Variants in DYSF observed in about 807,000 individuals in gnomAD.
The protein encoded by DYSF is dysferlin, also known as dystrophy-associated fer-1-like 1.
Under a neutral mutation model 274.9 loss-of-function variants are expected in DYSF, and 212 were observed. The observed-to-expected ratio is 0.77, with a 90% confidence interval of 0.69 to 0.86. The LOEUF is 0.86. DYSF is among the 40% of genes least tolerant of loss of function. The pLI is 0.00. For missense variants in DYSF, 2,666 were observed against 2,783.2 expected (o/e 0.96, Z 0.95); for synonymous variants, 1,091 against 1,078.7 (o/e 1.01, Z -0.22).
At chr2:71,502,831 G>T (rs945978968) in intron 3 of DYSF, among the ~76,000 whole-genome samples, 10 of 152,234 alleles carry the variant, frequency 6.6e-5, no homozygotes, top group Admixed American at 5.9e-4. Context: ...CATATGATCT[G>T]CTGGGGCTCA....
At chr2:71,457,024 A>C (rs2081094623) in intron 1 of DYSF, among the ~76,000 whole-genome samples, 1 of 152,152 alleles carries the variant, frequency 6.6e-6, no homozygotes, top group African/African-American at 2.4e-5. Context: ...TGGGGTTTCA[A>C]ATGCGTGTTC....
At chr2:71,564,278 C>T in intron 24 of DYSF, 65 bp downstream of exon 24, 1 of 1,599,390 alleles carries the variant, frequency 6.3e-7, no homozygotes. Context: ...TCTCCCATCT[C>T]TTCTGTTTCC....
At chr2:71,525,505 C>T (rs922878975) in intron 12 of DYSF, among the ~76,000 whole-genome samples, 16 of 152,130 alleles carry the variant, frequency 1.1e-4, no homozygotes, top group African/African-American at 3.9e-4. Context: ...ATTACAGGTG[C>T]GAGCCACGGC....
chr2:71,502,480 C>T (rs2085076852), intron 3 of DYSF, among the ~76,000 whole-genome samples: 1 of 152,160 alleles, frequency 6.6e-6, no homozygotes, highest in Non-Finnish European at 1.5e-5. Flanking sequence ...CCCATGGTTT[C>T]CTGCTGCCTC....
chr2:71,661,219 T>A (rs1424551281), intron 45 of DYSF, among the ~76,000 whole-genome samples: 1 of 151,844 alleles, frequency 6.6e-6, no homozygotes, highest in Non-Finnish European at 1.5e-5. Flanking sequence ...AACTTTTACT[T>A]TGGAATAATT....
intron 48 of DYSF, 84 bp downstream of exon 48, chr2:71,667,599 C>A: frequency 6.4e-7 from 1 of 1,573,694 alleles, no homozygotes. Context: ...CCCAGAGGAG[C>A]CAGTGGGTCC....
chr2:71,485,681 C>T (rs1361395322), intron 3 of DYSF, among the ~76,000 whole-genome samples: 7 of 152,030 alleles, frequency 4.6e-5, no homozygotes, highest in African/African-American at 1.7e-4. Flanking sequence ...AGAAAACAAC[C>T]AAAGACAAGC....
In DYSF at chr2:71,569,884, C is replaced by T. The variant is rs202218890; in HGVS notation, c.2929C>T (p.Arg977Trp). ...GGAAGAGGTGTTTGAGAACCAGACC[C>T]GGCTTCCCGGAGGCCAGTGGATCTA... ...FVEEVFENQTRLPGGQWIYMS... is the reference protein window; with the variant it reads ...FVEEVFENQTWLPGGQWIYMS... Residue 977 changes from arginine to tryptophan, a missense_variant, in exon 27 of 56, where the codon CGG becomes TGG. This residue lies in a region of DYSF where 412 missense variants were observed against 504.0 expected (regional missense o/e 0.82). Transcript: ENST00000410020. The T allele has an allele frequency of 3.5e-5, 57 of 1,613,974 alleles. No homozygotes were observed. The highest frequency in any genetic ancestry group is 4.2e-5 in the Non-Finnish European group (49 of 1,180,020).
At chr2:71,678,377 T>C (rs774457009) in intron 52 of DYSF, among the ~76,000 whole-genome samples, 33 of 152,114 alleles carry the variant, frequency 2.2e-4, no homozygotes, top group East Asian at 7.7e-4. Context: ...ACTACTGATA[T>C]ATACAACAAG....
rs544993852 is a variant in DYSF at position 71,643,997 on chromosome 2, C to T, written c.4560C>T (p.Phe1520=). The T allele has an allele frequency of 2.5e-4, 400 of 1,612,270 alleles. 3 individuals are homozygous for T. In the South Asian group the frequency reaches 4.1e-3, roughly 16 times the overall value. The change falls in exon 42 of 56, where the codon TTC becomes TTT. Residue 1520 remains phenylalanine (F), a synonymous_variant. Transcript: ENST00000410020. ...AGTTCATCGATTGGTGGAGCAAATT[C>T]TTTGCCTCCATAGGGGAGAGGGAAA... The part of the protein sequence containing the change: ...EEEFIDWWSK[F]FASIGEREKC...
At chr2:71,483,882 G>C (rs973379420) in intron 3 of DYSF, among the ~76,000 whole-genome samples, 2 of 151,858 alleles carry the variant, frequency 1.3e-5, no homozygotes, top group African/African-American at 2.4e-5. Flanking sequence ...GATGGTGTTG[G>C]TCTCTTCTGG....
intron 3 of DYSF, among the ~76,000 whole-genome samples, chr2:71,483,386 A>G (rs2083094360): frequency 6.6e-6 from 1 of 152,234 alleles, no homozygotes; most frequent in Admixed American, 6.5e-5. Context: ...AGCCCTGGAC[A>G]GTGGGCAGTC....
chr2:71,669,230 C>G, intron 50 of DYSF, 23 bp downstream of exon 50: 1 of 1,571,606 alleles, frequency 6.4e-7, no homozygotes, highest in South Asian at 1.2e-5. Flanking sequence ...CGTCCTCTTG[C>G]CTGTCCAGCT....
intron 36 of DYSF, among the ~76,000 whole-genome samples, chr2:71,605,702 G>A (rs1420202888): frequency 2.0e-5 from 3 of 152,098 alleles, no homozygotes; most frequent in Non-Finnish European, 4.4e-5. Context: ...AGGCTGCAGG[G>A]TATATGGCTT....
chr2:71,678,920 T>C, intron 52 of DYSF, 137 bp from the exon 53 acceptor site: 1 of 762,062 alleles, frequency 1.3e-6, no homozygotes, highest in East Asian at 2.6e-5. Flanking sequence ...TTCGTGAGAT[T>C]TTACCTGTGG....
chr2:71,574,469 A>T (rs1212328957), intron 30 of DYSF, 98 bp downstream of exon 30: 1 of 1,466,488 alleles, frequency 6.8e-7, no homozygotes, highest in Non-Finnish European at 9.2e-7. Context: ...ACCCCAGGTT[A>T]GGACTTTTGG....
At chr2:71,488,498 A>T (rs1162336198) in intron 3 of DYSF, among the ~76,000 whole-genome samples, 1 of 152,196 alleles carries the variant, frequency 6.6e-6, no homozygotes, top group Non-Finnish European at 1.5e-5. Context: ...GGGGGCCCAG[A>T]TGCAACAAGG....
Position 71,686,494 on chromosome 2 carries a change from G to A in DYSF, c.*2G>A. ...AAGCTGGTGAAGCCCTTCAGCTGAG[G>A]ACTCTCCTGCCCTGTAGAAGGGGCC... On this transcript the variant is annotated 3_prime_UTR_variant, in exon 56 of 56. Transcript: ENST00000410020. 1 of 1,614,090 alleles carries A rather than the reference G, an allele frequency of 6.2e-7. No homozygotes were observed. The highest frequency in any genetic ancestry group is 8.5e-7 in the Non-Finnish European group (1 of 1,180,000).
Position 71,466,719 on chromosome 2 carries a change from C to A in DYSF, c.-124C>A, listed in dbSNP as rs1182405349. ...TGGTCACTTCTCCGCGGAGGAGCAG[C>A]GAAGGCGACAGCTCTCTTGGCGCGG... On this transcript the variant is annotated 5_prime_UTR_variant, in exon 1 of 56. Coordinates refer to ENST00000410020, the MANE Select transcript of DYSF (RefSeq NM_001130987.2). The A allele has an allele frequency of 3.6e-6, 5 of 1,393,928 alleles. No homozygotes were observed. The highest frequency in any genetic ancestry group is 4.7e-6 in the Non-Finnish European group (5 of 1,073,280). 86.3% of individuals were successfully genotyped at this position (1,393,928 alleles called of 1,614,324 possible).
Sources: gnomAD v4.1 joint callset for allele counts (sites outside exome capture counted in the v4.1 genomes callset) on GRCh38, gnomAD v4.1.1 for gene constraint, gnomAD v4.1.1 regional missense constraint, MANE v1.5 for transcripts, NCBI Gene and HGNC (gene_info 2026-07-23, HGNC 2026-07-21) for gene names.